The following RAF1 variants were observed in gnomAD, a reference collection of about 807,000 sequenced individuals.
RAF1 encodes Raf-1 proto-oncogene, serine/threonine kinase, also known as RAF proto-oncogene serine/threonine-protein kinase.
Under a neutral mutation model 81.1 loss-of-function variants are expected in RAF1, and 27 were observed. That is an observed-to-expected ratio of 0.33 (90% CI 0.25 to 0.46). The LOEUF (loss-of-function observed/expected upper bound fraction) is 0.46. RAF1 is among the 20% of genes least tolerant of loss of function. The pLI, the probability that RAF1 is intolerant of heterozygous loss-of-function variation, is 1.00. For missense variants in RAF1, 598 were observed against 826.0 expected (o/e 0.72, Z 3.38); for synonymous variants, 298 against 294.0 (o/e 1.01, Z -0.14).
chr3:12,657,019 G>T (rs1159900609), intron 1 of RAF1, among the ~76,000 whole-genome samples: 3 of 150,602 alleles, frequency 2.0e-5, no homozygotes, highest in African/African-American at 7.4e-5. Flanking sequence ...AAAAAAAGAG[G>T]AATAGATAAA....
At chr3:12,613,421 C>CA (rs1346578413) in intron 2 of RAF1, among the ~76,000 whole-genome samples, 6 of 136,530 alleles carry the variant, frequency 4.4e-5, no homozygotes, top group African/African-American at 1.0e-4. Context: ...ACCCCGCCAT[C>CA]CCCCCCCACA....
intron 1 of RAF1, among the ~76,000 whole-genome samples, chr3:12,621,922 G>A (rs940513645): frequency 2.6e-5 from 4 of 152,184 alleles, no homozygotes; most frequent in Non-Finnish European, 5.9e-5. Flanking sequence ...AGTGTTAACA[G>A]TAATCATTTC....
chr3:12,621,481 C>A (rs2059554438), intron 1 of RAF1, among the ~76,000 whole-genome samples: 1 of 152,048 alleles, frequency 6.6e-6, no homozygotes, highest in South Asian at 2.1e-4. Flanking sequence ...CTAAGAAAAC[C>A]AAAGAGGTTT....
intron 1 of RAF1, among the ~76,000 whole-genome samples, chr3:12,650,871 C>T (rs1204071677): frequency 6.6e-6 from 1 of 152,142 alleles, no homozygotes; most frequent in Non-Finnish European, 1.5e-5. Context: ...GGTAAGGTCA[C>T]TTCTAGCTTG....
intron 1 of RAF1, among the ~76,000 whole-genome samples, chr3:12,619,759 A>G (rs780558860): frequency 2.6e-5 from 4 of 152,070 alleles, no homozygotes; most frequent in Non-Finnish European, 4.4e-5. Flanking sequence ...AGAAAAACTA[A>G]TATTTCTAGG....
At chr3:12,623,861 C>T (rs1208365113) in intron 1 of RAF1, among the ~76,000 whole-genome samples, 2 of 134,928 alleles carry the variant, frequency 1.5e-5, no homozygotes, top group African/African-American at 2.8e-5. Context: ...TTTCTTTTTT[C>T]TTTTTTTTTT....
rs184302970 is a variant in RAF1, at chr3:12,609,692, G to A, written c.321-357C>T. On this transcript the variant is annotated intron_variant, in intron 3 of 17. Transcript: ENST00000442415. ...GAGAGAGTCTTGCTGTGTTGCCCAG[G>A]CTGGTCTTGAATCCCTGGCCTCAAG... Among the ~76,000 whole-genome samples, 216 of 152,164 alleles carry A rather than the reference G, an allele frequency of 1.4e-3. 2 individuals are homozygous for A. The highest frequency in any genetic ancestry group is 0.014 in the Admixed American group (213 of 15,266).
At position 12,658,341 on chromosome 3, in the gene RAF1, G is replaced by A. The variant is rs141494500; in HGVS notation, c.-27+5472C>T. 6.9e-3 allele frequency among the ~76,000 whole-genome samples: 1,055 copies of A among 152,294 alleles called. 6 individuals are homozygous for A. The highest frequency in any genetic ancestry group is 0.024 in the African/African-American group (995 of 41,568). On this transcript the variant is annotated intron_variant, in intron 1 of 17. Transcript: ENST00000442415. ...GTGAGGGCTGGGCGTGGTGGCTCAC[G>A]CCTGTAATCCCAGCACTTTGGGAGG... is the stretch of plus-strand genomic sequence containing the variant.
chr3:12,645,057 T>A (rs550007258), intron 1 of RAF1, among the ~76,000 whole-genome samples: 2 of 128,916 alleles, frequency 1.6e-5, no homozygotes, highest in East Asian at 4.6e-4. Context: ...CAAGAGCGCA[T>A]CACTGCACTC....
At chr3:12,643,787 T>C (rs1261680846) in intron 1 of RAF1, among the ~76,000 whole-genome samples, 2 of 152,080 alleles carry the variant, frequency 1.3e-5, no homozygotes, top group East Asian at 1.9e-4. Flanking sequence ...GTTTACCTCC[T>C]TGTGCAATTC....
chr3:12,652,915 T>C (rs1023058295), intron 1 of RAF1, among the ~76,000 whole-genome samples: 1 of 151,300 alleles, frequency 6.6e-6, no homozygotes, highest in Non-Finnish European at 1.5e-5. Context: ...CACTCCAGCC[T>C]GGGCAAGACA....
chr3:12,633,922 T>A (rs954195121), intron 1 of RAF1, among the ~76,000 whole-genome samples: 50 of 77,544 alleles, frequency 6.4e-4, no homozygotes, highest in Middle Eastern at 0.011. Flanking sequence ...GCAACAAGAG[T>A]AAAAACTCTC....
intron 1 of RAF1, among the ~76,000 whole-genome samples, chr3:12,647,339 C>T (rs1161335952): frequency 6.6e-6 from 1 of 150,840 alleles, no homozygotes; most frequent in African/African-American, 2.4e-5. Context: ...GGTGGCTCAC[C>T]CCTGTAATCT....
chr3:12,619,080 C>T (rs1441321827), intron 1 of RAF1, among the ~76,000 whole-genome samples: 2 of 151,526 alleles, frequency 1.3e-5, no homozygotes, highest in East Asian at 2.0e-4. Flanking sequence ...CCCATCTCTA[C>T]TAAAAATACA....
At chr3:12,600,649 C>T (rs2058833453) in intron 8 of RAF1, among the ~76,000 whole-genome samples, 2 of 152,308 alleles carry the variant, frequency 1.3e-5, no homozygotes, top group East Asian at 3.9e-4. Context: ...TAATATTCCA[C>T]CTCCCAGGTT....
rs59472802 is a variant in RAF1 at position 12,598,725 on chromosome 3, CAAAAAAAAAAAAAAAAA to C, written c.1168+949_1168+965del. Among the ~76,000 whole-genome samples, 269 of 62,000 alleles carry C rather than the reference CAAAAAAAAAAAAAAAAA, an allele frequency of 4.3e-3. 1 individual carries two copies. Among genetic ancestry groups the C allele is most frequent in the African/African-American group, 0.014 (258 of 18,750 alleles). 40.7% of individuals were successfully genotyped at this position (62,000 alleles called of 152,430 possible). Reference sequence around the variant, plus strand: ...TGGGCAACAGAGCAAGAATCTATCTCAAAAAAAAAAAAAAAAAAAAAAAAAAAACCACCAAGTACTCA... The same window carrying C: ...TGGGCAACAGAGCAAGAATCTATCTCAAAAAAAAAAACCACCAAGTACTCA... On this transcript the variant is annotated intron_variant, in intron 11 of 17. Coordinates refer to ENST00000442415, the MANE Select transcript of RAF1 (RefSeq NM_001354689.3).
intron 8 of RAF1, 38 bp from the exon 8 acceptor site, chr3:12,600,453 C>T (rs200961819): frequency 1.9e-6 from 3 of 1,612,106 alleles, no homozygotes; most frequent in East Asian, 4.5e-5. Context: ...CTCCTACACA[C>T]AAAAGATTTT....
At chr3:12,589,891 A>C (rs963573074) in intron 13 of RAF1, 2 of 151,534 alleles carry the variant, frequency 1.3e-5, no homozygotes, top group African/African-American at 4.8e-5. Flanking sequence ...CCCGGGTTGA[A>C]GTGATTCTTC....
At chr3:12,586,541 C>A (rs1461787320) in intron 14 of RAF1, among the ~76,000 whole-genome samples, 1 of 152,112 alleles carries the variant, frequency 6.6e-6, no homozygotes, top group African/African-American at 2.4e-5. Context: ...TGCTAAAAAC[C>A]CCACCACTGA....
Sources: gnomAD v4.1 joint callset for allele counts (sites outside exome capture counted in the v4.1 genomes callset) on GRCh38, gnomAD v4.1.1 for gene constraint, MANE v1.5 for transcripts, NCBI Gene and HGNC (gene_info 2026-07-23, HGNC 2026-07-21) for gene names.